RNF150: variants seen among roughly 807,000 people sequenced by gnomAD.
RNF150 encodes ring finger protein 150.
In RNF150, 24 loss-of-function variants were observed where a neutral mutation model predicts 39.3. That is an observed-to-expected ratio of 0.61 (90% CI 0.44 to 0.86). RNF150 has a LOEUF of 0.86. Ranked by LOEUF, RNF150 falls within the 40% of genes least tolerant of loss-of-function variation. The pLI, the probability that RNF150 is intolerant of heterozygous loss-of-function variation, is 0.00. For synonymous variants in RNF150, 255 were observed against 227.3 expected, an observed-to-expected ratio of 1.12 and a Z score of -1.10; for missense variants, 502 against 587.8, an observed-to-expected ratio of 0.85 and a Z score of 1.51.
rs138840250 is a variant in RNF150 at position 141,188,764 on chromosome 4, G to A, written c.-6+24030C>T. Among the ~76,000 whole-genome samples, 944 of 152,214 alleles carry A rather than the reference G, an allele frequency of 6.2e-3. 13 individuals carry two copies. Among genetic ancestry groups the A allele is most frequent in the African/African-American group, 0.022 (893 of 41,534 alleles). ...GCAGTTCCTGTAACCTTTTGTCAAG[G>A]TTCTTATCTTCCTTGTCAAGGTTCT... On this transcript the variant is annotated intron_variant, in intron 1 of 7. Coordinates refer to the RNF150 transcript ENST00000420921.
At chr4:140,923,789 C>G (rs1387248472) in intron 5 of RNF150, among the ~76,000 whole-genome samples, 1 of 152,068 alleles carries the variant, frequency 6.6e-6, no homozygotes, top group Non-Finnish European at 1.5e-5. Context: ...TACTATGCAG[C>G]CATAAAAAAT....
intron 2 of RNF150, among the ~76,000 whole-genome samples, chr4:140,953,232 A>G (rs1375118051): frequency 6.6e-6 from 1 of 152,234 alleles, no homozygotes; most frequent in Non-Finnish European, 1.5e-5. Flanking sequence ...CAAATGATTC[A>G]CAAAGGTAGG....
At chr4:140,869,934 G>GA (rs1728863924) in intron 6 of RNF150, among the ~76,000 whole-genome samples, 2 of 152,052 alleles carry the variant, frequency 1.3e-5, no homozygotes, top group African/African-American at 4.8e-5. Context: ...TTACTTTGCA[G>GA]AAGAAATATG....
Position 140,881,927 on chromosome 4 carries a change from T to C in RNF150, c.1199-13548A>G, listed in dbSNP as rs374521513. Among the ~76,000 whole-genome samples, 117 of 152,314 alleles carry C rather than the reference T, an allele frequency of 7.7e-4. 3 individuals are homozygous for C. In the South Asian group the frequency reaches 0.023, roughly 30 times the overall value. On this transcript the variant is annotated intron_variant, in intron 6 of 6. Coordinates refer to ENST00000515673, the MANE Select transcript of RNF150 (RefSeq NM_020724.2). ...TTAATTTCTACATTTTGATGAGCTT[T>C]CCAGTTTGCTATTGATTTCTGGTTT...
intron 1 of RNF150, among the ~76,000 whole-genome samples, chr4:141,006,998 AG>A (rs1319031623): frequency 6.6e-6 from 1 of 152,232 alleles, no homozygotes; most frequent in African/African-American, 2.4e-5. Context: ...TGAGAAAAAA[AG>A]TTATCTGTAC....
intron 1 of RNF150, among the ~76,000 whole-genome samples, chr4:140,982,229 T>A (rs1190131930): frequency 6.6e-6 from 1 of 152,164 alleles, no homozygotes; most frequent in East Asian, 1.9e-4. Flanking sequence ...ACATCATCTT[T>A]TTCTCACGAC....
intron 1 of RNF150, among the ~76,000 whole-genome samples, chr4:141,012,781 CAAAAAA>C (rs397995597): frequency 0.14 from 9,787 of 71,580 alleles, 579 homozygotes; most frequent in Middle Eastern, 0.32. Flanking sequence ...GACTCTGTCT[CAAAAAA>C]AAAAAAAAAA....
intron 1 of RNF150, among the ~76,000 whole-genome samples, chr4:141,066,241 G>A (rs1406597024): frequency 2.0e-5 from 3 of 146,348 alleles, no homozygotes; most frequent in African/African-American, 2.6e-5. Flanking sequence ...GTATATGTGC[G>A]AAAAAAAAAA....
chr4:141,085,849 C>A (rs577540108), intron 1 of RNF150, among the ~76,000 whole-genome samples: 3 of 151,896 alleles, frequency 2.0e-5, no homozygotes, highest in Admixed American at 6.6e-5. Flanking sequence ...GTATAAGACA[C>A]TAGAGGAAAG....
chr4:140,882,026 A>G (rs1729392565), intron 6 of RNF150, among the ~76,000 whole-genome samples: 1 of 151,186 alleles, frequency 6.6e-6, no homozygotes, highest in South Asian at 2.1e-4. Context: ...TAATTTTTTT[A>G]TTTTTATTTT....
At chr4:140,975,321 A>G (rs1012373616) in intron 1 of RNF150, among the ~76,000 whole-genome samples, 13 of 152,168 alleles carry the variant, frequency 8.5e-5, no homozygotes, top group Non-Finnish European at 1.3e-4. Context: ...ACGAAAGGCA[A>G]CTTTTTGGGG....
intron 1 of RNF150, among the ~76,000 whole-genome samples, chr4:141,208,626 C>T (rs1353722400): frequency 6.6e-6 from 1 of 152,154 alleles, no homozygotes; most frequent in Non-Finnish European, 1.5e-5. Context: ...ATTGAGGTTA[C>T]TGAATACTCC....
intron 2 of RNF150, among the ~76,000 whole-genome samples, chr4:140,955,276 T>C (rs1015442123): frequency 3.3e-5 from 5 of 152,202 alleles, no homozygotes; most frequent in African/African-American, 1.2e-4. Context: ...GATGACCTCA[T>C]AGAGTGGTGC....
At chr4:140,887,781 G>A (rs965963519) in intron 6 of RNF150, among the ~76,000 whole-genome samples, 5 of 151,974 alleles carry the variant, frequency 3.3e-5, no homozygotes, top group Admixed American at 6.6e-5. Context: ...GGAGGGGTGG[G>A]GAAGAGGAAA....
At chr4:141,154,424 G>A (rs1391203769) in intron 1 of RNF150, among the ~76,000 whole-genome samples, 1 of 152,124 alleles carries the variant, frequency 6.6e-6, no homozygotes, top group South Asian at 2.1e-4. Flanking sequence ...AAGTTAGAGG[G>A]GCTGTTAGGC....
At chr4:141,005,930 G>T (rs932501349) in intron 1 of RNF150, among the ~76,000 whole-genome samples, 6 of 146,542 alleles carry the variant, frequency 4.1e-5, no homozygotes, top group Middle Eastern at 3.5e-3. Context: ...TTAGCCGGGC[G>T]TAGTGGCGGG....
intron 4 of RNF150, among the ~76,000 whole-genome samples, chr4:140,945,629 CATATAT>C (rs1017219861): frequency 9.0e-6 from 1 of 110,792 alleles, no homozygotes; most frequent in Non-Finnish European, 2.1e-5. Context: ...ATATATACTA[CATATAT>C]ATATGTAGTA....
chr4:141,021,136 C>T, intron 1 of RNF150, among the ~76,000 whole-genome samples: 1 of 152,034 alleles, frequency 6.6e-6, no homozygotes, highest in African/African-American at 2.4e-5. Flanking sequence ...CTAACAGGAT[C>T]CTTGCTAAAA....
intron 5 of RNF150, among the ~76,000 whole-genome samples, chr4:140,921,814 A>T (rs1297492865): frequency 6.6e-6 from 1 of 152,226 alleles, no homozygotes; most frequent in African/African-American, 2.4e-5. Context: ...CTGGTTCAAC[A>T]TATGCAAATC....
Sources: allele counts gnomAD v4.1 joint callset (sites outside exome capture counted in the v4.1 genomes callset), GRCh38; gene constraint gnomAD v4.1.1; transcripts MANE v1.5; gene names NCBI Gene and HGNC (gene_info 2026-07-23, HGNC 2026-07-21).